The following MZT2B variants were observed in gnomAD, a reference collection of about 807,000 sequenced individuals.
The protein encoded by MZT2B is mitotic-spindle organizing protein 2B.
A neutral mutation model predicts 12.1 loss-of-function variants in MZT2B; 11 were observed. The ratio of observed to expected loss-of-function variants is 0.91; its 90% CI spans 0.57 to 1.50. The LOEUF is 1.50. Among genes scored for constraint, MZT2B ranks in the 40% most tolerant of loss-of-function variants. The pLI is 0.00. For missense variants in MZT2B, 209 were observed against 227.7 expected, an observed-to-expected ratio of 0.92 and a Z score of 0.53; for synonymous variants, 85 against 109.5, an observed-to-expected ratio of 0.78 and a Z score of 1.40.
chr2:130,181,730 G>A, upstream of MZT2B: 2 of 1,548,830 alleles, frequency 1.3e-6, no homozygotes, highest in Admixed American at 2.0e-5. Context: ...TGGCGAGGCA[G>A]GAGTGCGGGG....
At chr2:130,202,815 C>T in the MZT2B span, among the ~76,000 whole-genome samples, 16 of 152,268 alleles carry the variant, frequency 1.1e-4, no homozygotes, top group African/African-American at 2.9e-4. Flanking sequence ...TGCAGTGACA[C>T]GCTGCGCCTG....
At chr2:130,184,975 G>A in intron 2 of MZT2B, 2 of 763,808 alleles carry the variant, frequency 2.6e-6, no homozygotes, top group Non-Finnish European at 3.2e-6. Flanking sequence ...GACCAGCCTG[G>A]GCAACATAGC....
intron 2 of MZT2B, chr2:130,187,976 T>C (rs1417521107): frequency 1.8e-4 from 27 of 151,426 alleles, no homozygotes; most frequent in Non-Finnish European, 2.7e-4. Context: ...GCCGTGAGTT[T>C]GGGGCAGCAA....
At chr2:130,204,206 C>T in the MZT2B span, 7 of 1,227,450 alleles carry the variant, frequency 5.7e-6, no homozygotes, top group Non-Finnish European at 6.5e-6. Context: ...AAATCCCAAG[C>T]CAAAGAACTG....
chr2:130,185,479 CAAAAA>C (rs11316338), intron 2 of MZT2B, among the ~76,000 whole-genome samples: 3 of 76,502 alleles, frequency 3.9e-5, no homozygotes, highest in Non-Finnish European at 5.8e-5. Context: ...GACCCTGTCT[CAAAAA>C]AAAAAAAAAA....
At chr2:130,191,412 A>C (rs1344715967), downstream of MZT2B, among the ~76,000 whole-genome samples, 1 of 152,150 alleles carries the variant, frequency 6.6e-6, no homozygotes, top group African/African-American at 2.4e-5. Context: ...TAGAGACTTC[A>C]TGGACAAGCC....
the MZT2B span, chr2:130,202,267 A>G: frequency 7.9e-7 from 1 of 1,258,496 alleles, no homozygotes; most frequent in South Asian, 1.3e-5. Flanking sequence ...ACGTTTACAT[A>G]TAGTTGCTAC....
At chr2:130,199,419 A>G in the MZT2B span, among the ~76,000 whole-genome samples, 555 of 120,920 alleles carry the variant, frequency 4.6e-3, 133 homozygotes, top group African/African-American at 0.016. Context: ...GCATGGTGGC[A>G]TGCGCCTGTA....
chr2:130,200,081 GTAAA>G, the MZT2B span, among the ~76,000 whole-genome samples: 5 of 148,754 alleles, frequency 3.4e-5, no homozygotes, highest in South Asian at 4.3e-4. Flanking sequence ...GGGCAACAGA[GTAAA>G]ACTCCATCTC....
chr2:130,181,933 T>C, upstream of MZT2B: 1 of 1,455,654 alleles, frequency 6.9e-7, no homozygotes, highest in South Asian at 1.3e-5. Context: ...CACGCTTTCT[T>C]GAAAGAGGCA....
intron 2 of MZT2B, among the ~76,000 whole-genome samples, chr2:130,187,156 A>G (rs1690096980): frequency 7.7e-6 from 1 of 129,404 alleles, no homozygotes; most frequent in Non-Finnish European, 1.7e-5. Context: ...TTTAGATTAA[A>G]GTATTTGAGC....
chr2:130,188,213 G>A (rs1014732891), intron 2 of MZT2B: 1 of 154,530 alleles, frequency 6.5e-6, no homozygotes, highest in African/African-American at 2.4e-5. Flanking sequence ...GCCCAAGTCT[G>A]CGGCCTGCCA....
chr2:130,189,996 G>A (rs535535740), intron 2 of MZT2B, among the ~76,000 whole-genome samples: 1 of 152,218 alleles, frequency 6.6e-6, no homozygotes, highest in African/African-American at 2.4e-5. Flanking sequence ...AGGACTTGGT[G>A]ACTGCAGTAC....
chr2:130,191,830 C>G (rs1445231768), downstream of MZT2B: 11 of 1,595,468 alleles, frequency 6.9e-6, no homozygotes, highest in East Asian at 2.2e-4. Flanking sequence ...ACACCCTCCC[C>G]TCAGTATGCT....
At chr2:130,193,590 C>T (rs1166400774), downstream of MZT2B, among the ~76,000 whole-genome samples, 1 of 123,794 alleles carries the variant, frequency 8.1e-6, no homozygotes, top group Non-Finnish European at 1.6e-5. Context: ...GCCTGGTCGA[C>T]AGAGCAAGAC....
At chr2:130,182,571 G>A (rs1234484445) in intron 1 of MZT2B, 56 bp from the exon 2 acceptor site, 2 of 1,565,252 alleles carry the variant, frequency 1.3e-6, no homozygotes, top group East Asian at 2.4e-5. Flanking sequence ...GGGTCTTCAG[G>A]GAGGTGGCCG....
At chr2:130,190,929 C>T (rs74268759), downstream of MZT2B, among the ~76,000 whole-genome samples, 97 of 152,088 alleles carry the variant, frequency 6.4e-4, 2 homozygotes, top group East Asian at 0.018. Context: ...CAACAAGCTT[C>T]ACTTGAAGTG....
chr2:130,191,902 G>C (rs747825126), downstream of MZT2B: 1 of 1,614,056 alleles, frequency 6.2e-7, no homozygotes, highest in South Asian at 1.1e-5. Flanking sequence ...TCCTTCTCTA[G>C]AGCTGCCAGG....
chr2:130,191,993 G>C (rs759535569), downstream of MZT2B: 1 of 1,614,078 alleles, frequency 6.2e-7, no homozygotes, highest in East Asian at 2.2e-5. Context: ...TGGCATACAT[G>C]AGATCGAACT....
Sources: gnomAD v4.1 joint callset for allele counts (sites outside exome capture counted in the v4.1 genomes callset) on GRCh38, gnomAD v4.1.1 for gene constraint, MANE v1.5 for transcripts, NCBI Gene and HGNC (gene_info 2026-07-23, HGNC 2026-07-21) for gene names.